The following FMNL2 variants were observed in gnomAD, a reference collection of about 807,000 sequenced individuals.
FMNL2 encodes formin like 2, also known as formin-like protein 2.
Under a neutral mutation model 130.2 loss-of-function variants are expected in FMNL2, and 51 were observed. The ratio of observed to expected loss-of-function variants is 0.39; its 90% CI spans 0.31 to 0.49. The LOEUF is 0.49. FMNL2 is among the 20% of genes least tolerant of loss of function. The probability of loss-of-function intolerance (pLI) is 0.85; values close to 1 mark genes in which losing one functional copy is unlikely to be tolerated. For synonymous variants in FMNL2, 465 were observed against 467.1 expected (o/e 1.00, Z 0.06); for missense variants, 977 against 1,316.2 (o/e 0.74, Z 3.99).
At chr2:152,336,494 C>G (rs1681458001) in intron 1 of FMNL2, among the ~76,000 whole-genome samples, 1 of 152,198 alleles carries the variant, frequency 6.6e-6, no homozygotes, top group Non-Finnish European at 1.5e-5. Flanking sequence ...CCAGCCAGGT[C>G]CCCCGCTCCC....
chr2:152,602,920 T>C (rs940898388), intron 9 of FMNL2, among the ~76,000 whole-genome samples: 1 of 152,196 alleles, frequency 6.6e-6, no homozygotes, highest in African/African-American at 2.4e-5. Context: ...GATGGTCCTG[T>C]TTCACCCAGT....
In FMNL2 at chr2:152,368,019, G is replaced by A. The variant is rs143235647; in HGVS notation, c.117+32299G>A. Among the ~76,000 whole-genome samples, 576 of 152,200 alleles carry A rather than the reference G, an allele frequency of 3.8e-3. 4 individuals are homozygous for A. The highest frequency in any genetic ancestry group is 0.013 in the African/African-American group (554 of 41,526). On this transcript the variant is annotated intron_variant, in intron 1 of 25. Coordinates refer to ENST00000288670, the MANE Select transcript of FMNL2 (RefSeq NM_052905.4). The stretch of plus-strand genomic sequence containing the variant: ...TCTACGTATTAACAAGATCTCACAC[G>A]TGACTCACGTGTGCATTAAAATCTG...
intron 1 of FMNL2, among the ~76,000 whole-genome samples, chr2:152,384,467 A>C (rs1336575376): frequency 5.9e-5 from 9 of 152,156 alleles, no homozygotes; most frequent in African/African-American, 2.2e-4. Context: ...CTGTGGGTAG[A>C]ACTCAGCTGG....
intron 1 of FMNL2, among the ~76,000 whole-genome samples, chr2:152,430,842 C>T (rs543778061): frequency 2.2e-4 from 34 of 152,188 alleles, no homozygotes; most frequent in South Asian, 8.3e-4. Context: ...CACTGCACTC[C>T]AGCCTGGGTG....
Position 152,529,711 on chromosome 2 carries a change from A to C in FMNL2, c.201+7685A>C, listed in dbSNP as rs151013513. Among the ~76,000 whole-genome samples, 907 of 152,288 alleles carry C rather than the reference A, an allele frequency of 6.0e-3. 5 individuals carry two copies. The highest frequency in any genetic ancestry group is 0.021 in the African/African-American group (871 of 41,570). On this transcript the variant is annotated intron_variant, in intron 2 of 25. Coordinates refer to ENST00000288670, the MANE Select transcript of FMNL2 (RefSeq NM_052905.4). ...CTCTTCTAGAGGTTTCCTTTGGCCT[A>C]TAGCTTTCACATGGGAGAGAAAAAT...
At chr2:152,589,915 A>G (rs1180741038) in intron 9 of FMNL2, among the ~76,000 whole-genome samples, 2 of 141,904 alleles carry the variant, frequency 1.4e-5, no homozygotes, top group Non-Finnish European at 3.0e-5. Context: ...GACTACAGGC[A>G]TGTACCACCA....
chr2:152,639,659 C>A (rs901386208), intron 23 of FMNL2, among the ~76,000 whole-genome samples: 3 of 152,094 alleles, frequency 2.0e-5, no homozygotes, highest in Admixed American at 2.0e-4. Flanking sequence ...GCACAGCTGC[C>A]AGGATGGTAG....
chr2:152,638,277 T>C (rs1682788548), intron 23 of FMNL2, among the ~76,000 whole-genome samples: 1 of 152,204 alleles, frequency 6.6e-6, no homozygotes, highest in East Asian at 1.9e-4. Context: ...AAGAGACATG[T>C]ATCAGAAGGA....
chr2:152,506,151 T>TA (rs35656951), intron 1 of FMNL2, among the ~76,000 whole-genome samples: 2 of 152,222 alleles, frequency 1.3e-5, no homozygotes, highest in Non-Finnish European at 2.9e-5. Context: ...GTTTTTATGA[T>TA]AAAAATTTCT....
intron 25 of FMNL2, among the ~76,000 whole-genome samples, chr2:152,644,828 T>C (rs1683401083): frequency 6.6e-6 from 1 of 152,042 alleles, no homozygotes; most frequent in African/African-American, 2.4e-5. Context: ...TGTTTTTAAA[T>C]TGGGGGGGAA....
At chr2:152,491,065 T>C (rs1387992671) in intron 1 of FMNL2, among the ~76,000 whole-genome samples, 1 of 152,160 alleles carries the variant, frequency 6.6e-6, no homozygotes. Flanking sequence ...GGTGGTTGGG[T>C]GATGCCTGTG....
At chr2:152,502,413 G>T (rs766794604) in intron 1 of FMNL2, among the ~76,000 whole-genome samples, 8 of 152,166 alleles carry the variant, frequency 5.3e-5, no homozygotes, top group Non-Finnish European at 1.5e-5. Context: ...TGGGCCGGGC[G>T]TGGTGGCTCA....
intron 1 of FMNL2, among the ~76,000 whole-genome samples, chr2:152,369,428 A>G (rs2105851838): frequency 6.6e-6 from 1 of 152,350 alleles, no homozygotes; most frequent in East Asian, 1.9e-4. Context: ...ATTACAGTCT[A>G]TTGACCTTAA....
chr2:152,462,984 C>T (rs1400047951), intron 1 of FMNL2, among the ~76,000 whole-genome samples: 1 of 152,054 alleles, frequency 6.6e-6, no homozygotes, highest in Non-Finnish European at 1.5e-5. Flanking sequence ...GTTTGTAGTC[C>T]AACAGATTCG....
intron 9 of FMNL2, among the ~76,000 whole-genome samples, chr2:152,594,522 A>G (rs1389050780): frequency 6.6e-6 from 1 of 152,180 alleles, no homozygotes; most frequent in Non-Finnish European, 1.5e-5. Context: ...TCATTTCAAA[A>G]ATCTGCCATG....
At position 152,542,751 on chromosome 2, in the gene FMNL2, G is replaced by A. The variant is rs370412255; in HGVS notation, c.214G>A (p.Val72Met). The A allele has an allele frequency of 1.2e-6, 2 of 1,613,904 alleles. No individual in the cohort carries two copies. Among genetic ancestry groups the A allele is most frequent in the African/African-American group, 1.3e-5 (1 of 74,924 alleles). The part of the protein sequence containing the change: ...ELICDQERFQ[V>M]KNPPHTYIQK... ...GTGCTTTCTGCAGGAACGATTCCAG[G>A]TGAAGAATCCTCCCCATACATACAT... Residue 72 changes from valine to methionine, a missense_variant, in exon 3 of 26, where the codon GTG becomes ATG. By Grantham distance (21) the Val-to-Met change is conservative (BLOSUM62 1). Coordinates refer to ENST00000288670, the MANE Select transcript of FMNL2 (RefSeq NM_052905.4).
chr2:152,607,579 C>A (rs1580083809), intron 10 of FMNL2, 166 bp downstream of exon 10: 2 of 560,114 alleles, frequency 3.6e-6, no homozygotes, highest in Non-Finnish European at 3.2e-6. Context: ...CCCTCTTAAT[C>A]TGTATTTCTC....
At chr2:152,377,038 A>G (rs1579516654) in intron 1 of FMNL2, among the ~76,000 whole-genome samples, 2 of 152,324 alleles carry the variant, frequency 1.3e-5, no homozygotes, top group Non-Finnish European at 2.9e-5. Context: ...CTGGGATGGA[A>G]GCCTGGTTTT....
intron 1 of FMNL2, among the ~76,000 whole-genome samples, chr2:152,396,679 G>T (rs1685412930): frequency 6.6e-6 from 1 of 151,988 alleles, no homozygotes; most frequent in African/African-American, 2.4e-5. Context: ...TTTAAGTCAG[G>T]CTTTAACTCT....
Sources: allele counts gnomAD v4.1 joint callset (sites outside exome capture counted in the v4.1 genomes callset), GRCh38; gene constraint gnomAD v4.1.1; transcripts MANE v1.5; gene names NCBI Gene and HGNC (gene_info 2026-07-23, HGNC 2026-07-21).